CNKSR2: variants seen among roughly 807,000 people sequenced by gnomAD.
CNKSR2 encodes the protein connector enhancer of kinase suppressor of Ras 2.
A neutral mutation model predicts 84.4 loss-of-function variants in CNKSR2; 14 were observed. The ratio of observed to expected loss-of-function variants is 0.17; its 90% confidence interval spans 0.11 to 0.26. CNKSR2 has a LOEUF of 0.26. CNKSR2 is among the 10% of genes least tolerant of loss of function. The pLI is 1.00. For synonymous variants in CNKSR2, 275 were observed against 277.9 expected (o/e 0.99, Z 0.10); for missense variants, 485 against 771.2 (o/e 0.63, Z 4.40).
intron 13 of CNKSR2, among the ~76,000 whole-genome samples, chrX:21,578,300 G>A (rs185695168): frequency 1.6e-4 from 18 of 111,325 alleles, no homozygotes; most frequent in African/African-American, 5.5e-4. Flanking sequence ...GTCTTCCCAT[G>A]GTTTCTTTTA....
intron 11 of CNKSR2, among the ~76,000 whole-genome samples, chrX:21,539,183 ATTC>A (rs2091955289): frequency 9.0e-6 from 1 of 111,699 alleles, no homozygotes; most frequent in African/African-American, 3.3e-5. Context: ...GAGTTTCTTT[ATTC>A]TTTTTTATTC....
intron 1 of CNKSR2, among the ~76,000 whole-genome samples, chrX:21,415,727 T>C (rs2090408315): frequency 9.4e-6 from 1 of 106,080 alleles, no homozygotes; most frequent in Admixed American, 1.0e-4. Context: ...ATGGCACATG[T>C]ATACATATGT....
chrX:21,480,185 C>T (rs2147162807), intron 5 of CNKSR2, among the ~76,000 whole-genome samples: 1 of 111,361 alleles, frequency 9.0e-6, no homozygotes, highest in East Asian at 2.8e-4. Context: ...CTGAGAGCCA[C>T]AAAACTCATA....
chrX:21,498,358 C>T (rs1295805886), intron 7 of CNKSR2, among the ~76,000 whole-genome samples: 1 of 111,365 alleles, frequency 9.0e-6, no homozygotes, highest in Non-Finnish European at 1.9e-5. Context: ...CTACCCCAGA[C>T]CTACTAAATC....
At chrX:21,390,521 A>G (rs2090034565) in intron 1 of CNKSR2, among the ~76,000 whole-genome samples, 1 of 111,024 alleles carries the variant, frequency 9.0e-6, no homozygotes, top group African/African-American at 3.3e-5. Flanking sequence ...CACACTTTGA[A>G]ACAACCAGGT....
At chrX:21,614,404 AATC>A (rs2092566785) in intron 20 of CNKSR2, among the ~76,000 whole-genome samples, 1 of 111,803 alleles carries the variant, frequency 8.9e-6, no homozygotes, top group African/African-American at 3.2e-5. Context: ...TAAAGAGCAT[AATC>A]ATCATTAATA....
intron 4 of CNKSR2, among the ~76,000 whole-genome samples, chrX:21,464,518 T>C (rs1387323726): frequency 8.9e-6 from 1 of 111,959 alleles, no homozygotes; most frequent in Non-Finnish European, 1.9e-5. Flanking sequence ...CCTCCACCCT[T>C]TCTAGAGATA....
At chrX:21,423,295 G>A (rs1199434069) in intron 1 of CNKSR2, 1 of 111,165 alleles carries the variant, frequency 9.0e-6, no homozygotes, top group Non-Finnish European at 1.9e-5. Flanking sequence ...TTTAGACCTT[G>A]CCTTACCATT....
intron 4 of CNKSR2, among the ~76,000 whole-genome samples, chrX:21,453,576 A>C (rs902381744): frequency 7.2e-5 from 8 of 111,847 alleles, no homozygotes; most frequent in Non-Finnish European, 1.3e-4. Context: ...TCTCTTTCAT[A>C]TCTCATGCCC....
At chrX:21,398,777 GAA>G (rs1000052648) in intron 1 of CNKSR2, among the ~76,000 whole-genome samples, 1 of 111,810 alleles carries the variant, frequency 8.9e-6, no homozygotes, top group Non-Finnish European at 1.9e-5. Flanking sequence ...TATAAAAACT[GAA>G]ATCTATGACT....
At chrX:21,648,731 AT>A in intron 20 of CNKSR2, 99 bp from the exon 21 acceptor site, 1 of 641,961 alleles carries the variant, frequency 1.6e-6, no homozygotes, top group Non-Finnish European at 2.2e-6. Context: ...TAAATTTTCC[AT>A]GTGTCAAATA....
intron 1 of CNKSR2, among the ~76,000 whole-genome samples, chrX:21,414,824 A>G (rs2147022771): frequency 9.0e-6 from 1 of 111,683 alleles, no homozygotes; most frequent in Non-Finnish European, 1.9e-5. Flanking sequence ...TCTCCAGTGT[A>G]TGTCCTTGGC....
intron 4 of CNKSR2, among the ~76,000 whole-genome samples, chrX:21,448,941 G>T (rs2090890173): frequency 9.0e-6 from 1 of 111,409 alleles, no homozygotes; most frequent in Non-Finnish European, 1.9e-5. Context: ...TTGAAGAACT[G>T]GTCAGAATCA....
chrX:21,489,859 A>G (rs2091424604), intron 5 of CNKSR2, among the ~76,000 whole-genome samples: 1 of 111,690 alleles, frequency 9.0e-6, no homozygotes, highest in Non-Finnish European at 1.9e-5. Flanking sequence ...TGAGTAGGGC[A>G]TGGTACCTGC....
chrX:21,511,072 C>T (rs1420251489), intron 8 of CNKSR2, among the ~76,000 whole-genome samples: 1 of 111,423 alleles, frequency 9.0e-6, no homozygotes, highest in Non-Finnish European at 1.9e-5. Flanking sequence ...CTGGAAAAAA[C>T]ACCTTCATAA....
chrX:21,580,810 C>T (rs1452864652), intron 13 of CNKSR2, among the ~76,000 whole-genome samples: 2 of 111,418 alleles, frequency 1.8e-5, no homozygotes, highest in African/African-American at 6.5e-5. Flanking sequence ...AAATCTGGTC[C>T]TCTCCATTTT....
chrX:21,413,973 A>G (rs971789196), intron 1 of CNKSR2, among the ~76,000 whole-genome samples: 2 of 110,906 alleles, frequency 1.8e-5, no homozygotes, highest in African/African-American at 6.6e-5. Flanking sequence ...GAAAAAAAAA[A>G]TCCTAAAATG....
At chrX:21,519,153 A>C (rs1277279805) in intron 9 of CNKSR2, among the ~76,000 whole-genome samples, 1 of 111,559 alleles carries the variant, frequency 9.0e-6, no homozygotes, top group Non-Finnish European at 1.9e-5. Flanking sequence ...CTCCCTGATG[A>C]AGAAGACCTG....
chrX:21,458,214 A>G (rs2091018096), intron 4 of CNKSR2, among the ~76,000 whole-genome samples: 1 of 112,783 alleles, frequency 8.9e-6, no homozygotes, highest in African/African-American at 3.2e-5. Context: ...AATTTAAATC[A>G]ATTAAAATTA....
Sources: allele counts gnomAD v4.1 joint callset (sites outside exome capture counted in the v4.1 genomes callset), GRCh38; gene constraint gnomAD v4.1.1; transcripts MANE v1.5; gene names NCBI Gene and HGNC (gene_info 2026-07-23, HGNC 2026-07-21).